The following TRIM36 variants were observed in gnomAD, a reference collection of about 807,000 sequenced individuals.
TRIM36 encodes the protein tripartite motif containing 36, also known as E3 ubiquitin-protein ligase TRIM36.
In TRIM36, 42 loss-of-function variants were observed where a neutral mutation model predicts 72.4. The ratio of observed to expected loss-of-function variants is 0.58; its 90% CI spans 0.45 to 0.75. The LOEUF (loss-of-function observed/expected upper bound fraction) is 0.75, where lower values mean the gene tolerates loss of function less well. Among genes scored for constraint, TRIM36 ranks in the 30% least tolerant of loss-of-function variants. The probability of loss-of-function intolerance (pLI) is 0.00; values close to 1 mark genes in which losing one functional copy is unlikely to be tolerated. For synonymous variants in TRIM36, 315 were observed against 282.8 expected, an observed-to-expected ratio of 1.11 and a Z score of -1.14; for missense variants, 913 against 857.1, an observed-to-expected ratio of 1.07 and a Z score of -0.81.
intron 4 of TRIM36, 101 bp downstream of exon 4, chr5:115,144,496 CA>C (rs1753468139): frequency 7.2e-7 from 1 of 1,396,216 alleles, no homozygotes; most frequent in Non-Finnish European, 9.8e-7. Flanking sequence ...CATTTTAGTA[CA>C]AAAGAGACCA....
At chr5:115,135,219 A>C (rs747708323) in intron 7 of TRIM36, among the ~76,000 whole-genome samples, 15 of 152,196 alleles carry the variant, frequency 9.9e-5, no homozygotes, top group Non-Finnish European at 1.8e-4. Flanking sequence ...TACGCTATAA[A>C]AGCTACACAC....
At chr5:115,178,763 T>C (rs4705521) in intron 1 of TRIM36, among the ~76,000 whole-genome samples, 3 of 152,082 alleles carry the variant, frequency 2.0e-5, no homozygotes, top group Non-Finnish European at 4.4e-5. Context: ...GAAATGTTAA[T>C]GAATATTCTG....
chr5:115,162,392 A>G lies in TRIM36; in HGVS notation c.262+1126T>C, dbSNP rs3763108. ...GCACTCTCTGTACAAATCCTGTGGC[A>G]GAGGTTTCTCATTCAACATCCATTC... On this transcript the variant is annotated intron_variant, in intron 2 of 9. Transcript: ENST00000513154. 1.1e-4 allele frequency among the ~76,000 whole-genome samples: 17 copies of G among 152,372 alleles called. No homozygotes were observed. In the East Asian group the frequency reaches 1.7e-3, roughly 16 times the overall value.
chr5:115,151,765 T>C (rs1753907798), intron 2 of TRIM36, among the ~76,000 whole-genome samples: 1 of 152,116 alleles, frequency 6.6e-6, no homozygotes, highest in Admixed American at 6.5e-5. Context: ...GCTGGGTGGA[T>C]AGATCCAGAA....
At chr5:115,128,472 G>T (rs1752474042) in intron 9 of TRIM36, among the ~76,000 whole-genome samples, 1 of 151,840 alleles carries the variant, frequency 6.6e-6, no homozygotes, top group African/African-American at 2.4e-5. Context: ...GAAAGTTTAG[G>T]CCGGGCGCGG....
intron 2 of TRIM36, among the ~76,000 whole-genome samples, chr5:115,158,478 CA>C (rs1247415462): frequency 6.6e-6 from 1 of 152,144 alleles, no homozygotes; most frequent in Admixed American, 6.5e-5. Context: ...TAACAGGTTC[CA>C]AACCTCTGCC....
At chr5:115,128,753 C>T (rs1487148466) in intron 9 of TRIM36, among the ~76,000 whole-genome samples, 12 of 24,446 alleles carry the variant, frequency 4.9e-4, no homozygotes, top group Non-Finnish European at 8.5e-4. Context: ...AGCGAGACTC[C>T]GTCTCAAAAA....
chr5:115,129,414 C>T (rs1195996489), intron 9 of TRIM36, among the ~76,000 whole-genome samples: 3 of 152,002 alleles, frequency 2.0e-5, no homozygotes, highest in Non-Finnish European at 2.9e-5. Context: ...AAAAATTAGC[C>T]GGGTGTGGTG....
chr5:115,173,529 T>C (rs1054950367), upstream of TRIM36, among the ~76,000 whole-genome samples: 4 of 150,662 alleles, frequency 2.7e-5, no homozygotes, highest in Non-Finnish European at 4.4e-5. Flanking sequence ...TGAATGTGTG[T>C]GTGTGTGTGT....
At chr5:115,178,793 G>A (rs923888315) in intron 1 of TRIM36, among the ~76,000 whole-genome samples, 2 of 152,184 alleles carry the variant, frequency 1.3e-5, no homozygotes, top group Non-Finnish European at 2.9e-5. Flanking sequence ...AATGTATTCA[G>A]TGCCTGTAGA....
chr5:115,138,157 T>C (rs1324147111), intron 5 of TRIM36, among the ~76,000 whole-genome samples: 1 of 152,216 alleles, frequency 6.6e-6, no homozygotes, highest in Non-Finnish European at 1.5e-5. Context: ...TGGAGTGCAG[T>C]GGTGCGATCT....
At chr5:115,162,335 A>G (rs1175921884) in intron 2 of TRIM36, among the ~76,000 whole-genome samples, 2 of 152,202 alleles carry the variant, frequency 1.3e-5, no homozygotes, top group African/African-American at 2.4e-5. Context: ...CCAAAAGACA[A>G]ATGCCATTAT....
At chr5:115,133,315 A>T (rs1217187624) in intron 8 of TRIM36, among the ~76,000 whole-genome samples, 2 of 152,096 alleles carry the variant, frequency 1.3e-5, no homozygotes, top group Non-Finnish European at 2.9e-5. Flanking sequence ...TTGGGAAGGG[A>T]GGGGGCGATG....
chr5:115,165,151 C>T (rs1754692589), intron 1 of TRIM36, among the ~76,000 whole-genome samples: 1 of 152,158 alleles, frequency 6.6e-6, no homozygotes, highest in African/African-American at 2.4e-5. Context: ...GCTTTCATGG[C>T]TGGCATTGAG....
At chr5:115,127,433 C>T (rs1185912452) in intron 9 of TRIM36, among the ~76,000 whole-genome samples, 2 of 152,128 alleles carry the variant, frequency 1.3e-5, no homozygotes, top group African/African-American at 2.4e-5. Context: ...TGGTGGTGTA[C>T]GCTTGTAGTC....
chr5:115,163,875 A>C, intron 1 of TRIM36, 123 bp from the exon 2 acceptor site: 3 of 883,682 alleles, frequency 3.4e-6, no homozygotes, highest in South Asian at 1.9e-5. Flanking sequence ...GATTTTCTAA[A>C]TTTTAAATTT....
intron 6 of TRIM36, 91 bp from the exon 7 acceptor site, chr5:115,137,215 C>T: frequency 4.1e-6 from 6 of 1,477,694 alleles, no homozygotes; most frequent in Non-Finnish European, 5.4e-6. Context: ...AAAACCCACA[C>T]TTCACTCAAA....
chr5:115,170,020 C>A (rs988378571), upstream of TRIM36: 34 of 1,042,804 alleles, frequency 3.3e-5, no homozygotes, highest in African/African-American at 4.9e-4. Flanking sequence ...GAGGCGGGGC[C>A]GCCTGGGGCT....
In TRIM36 at chr5:115,124,985, C is replaced by T. The variant is rs1366706892; in HGVS notation, c.*1518G>A. 4 of 152,428 alleles carry T rather than the reference C, an allele frequency of 2.6e-5. No homozygotes were observed. The highest frequency in any genetic ancestry group is 9.7e-5 in the African/African-American group (4 of 41,418). The allele number at this position is 152,428 out of a possible 1,614,324, so 9.4% of individuals were successfully genotyped here. ...CGCTGCATTATTTGCTTAGTTTAGC[C>T]TACATCATAAAGTGCTATTCATAGA... On this transcript the variant is annotated 3_prime_UTR_variant, in exon 10 of 10. Transcript: ENST00000513154.
Sources: gnomAD v4.1 joint callset for allele counts (sites outside exome capture counted in the v4.1 genomes callset) on GRCh38, gnomAD v4.1.1 for gene constraint, MANE v1.5 for transcripts, NCBI Gene and HGNC (gene_info 2026-07-23, HGNC 2026-07-21) for gene names.